Variants in ABI3BP observed in about 807,000 individuals in gnomAD.
The protein encoded by ABI3BP is ABI family member 3 binding protein, also known as target of Nesh-SH3.
In ABI3BP, 216 loss-of-function variants were observed where a neutral mutation model predicts 268.6. That is an observed-to-expected ratio of 0.80 (90% CI 0.72 to 0.90). The LOEUF (loss-of-function observed/expected upper bound fraction) is 0.90, where lower values mean the gene tolerates loss of function less well. Ranked by LOEUF, ABI3BP falls within the 40% of genes least tolerant of loss-of-function variation. The probability of loss-of-function intolerance (pLI) is 0.00; values close to 1 mark genes in which losing one functional copy is unlikely to be tolerated. For synonymous variants in ABI3BP, 730 were observed against 730.0 expected, an observed-to-expected ratio of 1.00 and a Z score of 0.00; for missense variants, 2,090 against 2,182.4, an observed-to-expected ratio of 0.96 and a Z score of 0.84.
At chr3:100,920,830 C>G (rs1375631246) in intron 2 of ABI3BP, among the ~76,000 whole-genome samples, 1 of 152,176 alleles carries the variant, frequency 6.6e-6, no homozygotes, top group African/African-American at 2.4e-5. Flanking sequence ...AAACTACTTA[C>G]CCACAACTAT....
chr3:100,893,721 A>G (rs1035543495), intron 4 of ABI3BP, among the ~76,000 whole-genome samples: 2 of 152,202 alleles, frequency 1.3e-5, no homozygotes, highest in Non-Finnish European at 2.9e-5. Flanking sequence ...CTTAGAATAC[A>G]TAACAGGATC....
chr3:100,971,675 C>G (rs1284865767), intron 1 of ABI3BP, among the ~76,000 whole-genome samples: 1 of 152,112 alleles, frequency 6.6e-6, no homozygotes, highest in Non-Finnish European at 1.5e-5. Context: ...GTCAAAAATG[C>G]CTTACATGGG....
chr3:100,755,873 A>G (rs1178824869), intron 63 of ABI3BP, among the ~76,000 whole-genome samples: 1 of 152,224 alleles, frequency 6.6e-6, no homozygotes, highest in Non-Finnish European at 1.5e-5. Context: ...TGAGAAGTTT[A>G]TAATTAAATA....
At chr3:100,799,200 A>G (rs1488610307) in intron 51 of ABI3BP, among the ~76,000 whole-genome samples, 1 of 152,118 alleles carries the variant, frequency 6.6e-6, no homozygotes, top group Non-Finnish European at 1.5e-5. Flanking sequence ...TAAAAAAACT[A>G]TATATCTGCC....
At chr3:100,865,808 G>T (rs971873684) in intron 10 of ABI3BP, among the ~76,000 whole-genome samples, 5 of 152,112 alleles carry the variant, frequency 3.3e-5, no homozygotes, top group Non-Finnish European at 4.4e-5. Context: ...AGGGAGAAAG[G>T]GATTTGGAGT....
intron 14 of ABI3BP, among the ~76,000 whole-genome samples, chr3:100,861,312 A>T (rs924226097): frequency 2.0e-5 from 3 of 152,156 alleles, no homozygotes; most frequent in Admixed American, 6.5e-5. Flanking sequence ...TTTCACCAAG[A>T]TCTGTGGGGG....
At chr3:100,782,746 G>T in intron 57 of ABI3BP, among the ~76,000 whole-genome samples, 1 of 150,908 alleles carries the variant, frequency 6.6e-6, no homozygotes, top group East Asian at 1.9e-4. Flanking sequence ...AGAGAAAGGA[G>T]AAAATCAGTA....
chr3:100,772,473 G>A (rs13089098), intron 61 of ABI3BP, among the ~76,000 whole-genome samples: 19,032 of 152,150 alleles, frequency 0.13, 1,258 homozygotes, highest in Middle Eastern at 0.15. Context: ...GCCAAGAGGG[G>A]AGTAAAGCTA....
intron 1 of ABI3BP, among the ~76,000 whole-genome samples, chr3:100,966,532 A>G (rs1562136257): frequency 6.6e-6 from 1 of 152,244 alleles, no homozygotes; most frequent in Non-Finnish European, 1.5e-5. Flanking sequence ...GCTTGAAAGT[A>G]AAATAGTGAA....
At chr3:100,871,011 T>G (rs2099103941) in intron 9 of ABI3BP, among the ~76,000 whole-genome samples, 1 of 151,950 alleles carries the variant, frequency 6.6e-6, no homozygotes, top group East Asian at 1.9e-4. Flanking sequence ...GAATAAAACT[T>G]TATGAGGGAT....
chr3:100,862,411 C>T, intron 13 of ABI3BP, 26 bp from the exon 14 acceptor site: 1 of 1,496,984 alleles, frequency 6.7e-7, no homozygotes, highest in South Asian at 1.3e-5. Context: ...ATGGAATTTG[C>T]TGAAGATTTT....
At chr3:100,956,878 C>A (rs1479231923) in intron 1 of ABI3BP, among the ~76,000 whole-genome samples, 1 of 152,138 alleles carries the variant, frequency 6.6e-6, no homozygotes, top group African/African-American at 2.4e-5. Flanking sequence ...AGGAACATGC[C>A]TGGTTACTGT....
chr3:100,915,404 C>T (rs375534734), intron 2 of ABI3BP, among the ~76,000 whole-genome samples: 6 of 152,184 alleles, frequency 3.9e-5, no homozygotes, highest in East Asian at 1.9e-4. Flanking sequence ...CCAGACACTG[C>T]GAGGACTGCT....
intron 1 of ABI3BP, among the ~76,000 whole-genome samples, chr3:100,979,693 A>G (rs571262651): frequency 6.6e-6 from 1 of 152,166 alleles, no homozygotes; most frequent in East Asian, 2.0e-4. Flanking sequence ...AAAACACCAC[A>G]GTAAATACTT....
intron 58 of ABI3BP, among the ~76,000 whole-genome samples, chr3:100,779,647 G>A (rs2096810962): frequency 1.3e-5 from 2 of 151,912 alleles, no homozygotes; most frequent in East Asian, 1.9e-4. Flanking sequence ...GTTCAGGAGT[G>A]TACTGGTAGT....
At chr3:100,890,131 TACCCC>T in intron 4 of ABI3BP, among the ~76,000 whole-genome samples, 1 of 152,186 alleles carries the variant, frequency 6.6e-6, no homozygotes, top group Non-Finnish European at 1.5e-5. Context: ...TTCTACGAAC[TACCCC>T]AGCTTAATGT....
intron 14 of ABI3BP, among the ~76,000 whole-genome samples, chr3:100,857,085 A>T (rs1321931993): frequency 6.6e-6 from 1 of 152,112 alleles, no homozygotes; most frequent in Non-Finnish European, 1.5e-5. Context: ...TGTCTTTTCC[A>T]TTCTCAAACT....
chr3:100,751,800 A>G, intron 66 of ABI3BP, 126 bp from the exon 67 acceptor site: 1 of 939,932 alleles, frequency 1.1e-6, no homozygotes, highest in South Asian at 2.4e-5. Flanking sequence ...TCAAACCAAC[A>G]ATGTTTCTTG....
At chr3:100,908,284 C>T (rs2054495480) in intron 2 of ABI3BP, among the ~76,000 whole-genome samples, 2 of 152,110 alleles carry the variant, frequency 1.3e-5, no homozygotes, top group Admixed American at 6.6e-5. Flanking sequence ...CTTTACTAAA[C>T]ATGCCAGACC....
Sources: gnomAD v4.1 joint callset for allele counts (sites outside exome capture counted in the v4.1 genomes callset) on GRCh38, gnomAD v4.1.1 for gene constraint, MANE v1.5 for transcripts, NCBI Gene and HGNC (gene_info 2026-07-23, HGNC 2026-07-21) for gene names.